ARMC8: variants seen among roughly 807,000 people sequenced by gnomAD.
ARMC8 encodes the protein armadillo repeat-containing protein 8.
A neutral mutation model predicts 99.3 loss-of-function variants in ARMC8; 20 were observed. The ratio of observed to expected loss-of-function variants is 0.20; its 90% CI spans 0.14 to 0.29. The LOEUF is 0.29. Among genes scored for constraint, ARMC8 ranks in the 10% least tolerant of loss-of-function variants. The pLI, the probability that ARMC8 is intolerant of heterozygous loss-of-function variation, is 1.00. For synonymous variants in ARMC8, 263 were observed against 278.3 expected (o/e 0.95, Z 0.55); for missense variants, 569 against 809.5 (o/e 0.70, Z 3.60).
intron 1 of ARMC8, among the ~76,000 whole-genome samples, chr3:138,204,845 G>A (rs2044272047): frequency 6.6e-6 from 1 of 151,918 alleles, no homozygotes; most frequent in South Asian, 2.1e-4. Context: ...ATTATATGCT[G>A]ACAACATCTG....
intron 10 of ARMC8, among the ~76,000 whole-genome samples, chr3:138,241,344 A>C (rs951645285): frequency 1.3e-5 from 2 of 152,210 alleles, no homozygotes; most frequent in Non-Finnish European, 2.9e-5. Flanking sequence ...AAAATAAACG[A>C]TATTACTCAC....
intron 1 of ARMC8, among the ~76,000 whole-genome samples, chr3:138,206,725 G>A (rs570269946): frequency 1.1e-4 from 17 of 152,264 alleles, no homozygotes; most frequent in African/African-American, 4.1e-4. Context: ...GAGGTGACCT[G>A]ATCTACAAGG....
intron 1 of ARMC8, among the ~76,000 whole-genome samples, chr3:138,192,111 T>C (rs372247774): frequency 6.6e-6 from 1 of 152,194 alleles, no homozygotes; most frequent in Non-Finnish European, 1.5e-5. Context: ...TTTCTACCAG[T>C]AATATATGAG....
intron 18 of ARMC8, among the ~76,000 whole-genome samples, chr3:138,276,235 C>T (rs76608199): frequency 0.022 from 3,296 of 152,268 alleles, 105 homozygotes; most frequent in African/African-American, 0.073. Flanking sequence ...TTTAATGCTT[C>T]TCAAAAGCAC....
chr3:138,210,668 G>A (rs942050805), intron 2 of ARMC8, among the ~76,000 whole-genome samples: 11 of 152,036 alleles, frequency 7.2e-5, no homozygotes, highest in Non-Finnish European at 1.0e-4. Context: ...TGATGAGGGC[G>A]CCCATGAGGG....
At chr3:138,268,529 C>T (rs2048489638) in intron 15 of ARMC8, among the ~76,000 whole-genome samples, 3 of 152,128 alleles carry the variant, frequency 2.0e-5, no homozygotes, top group Admixed American at 2.0e-4. Flanking sequence ...GGTAGATGAG[C>T]TCAGGCAAAG....
chr3:138,255,401 A>G (rs942858387), intron 12 of ARMC8, among the ~76,000 whole-genome samples: 37 of 151,504 alleles, frequency 2.4e-4, no homozygotes, highest in African/African-American at 9.0e-4. Flanking sequence ...ACGGGGTTTC[A>G]CTGTGTTAGT....
At chr3:138,208,421 C>A (rs1206258608) in intron 1 of ARMC8, among the ~76,000 whole-genome samples, 1 of 152,204 alleles carries the variant, frequency 6.6e-6, no homozygotes, top group Non-Finnish European at 1.5e-5. Flanking sequence ...GAGCCAAGAT[C>A]ATGCTGCTGG....
At position 138,284,896 on chromosome 3, in the gene ARMC8, C is replaced by T. The variant is rs556560188; in HGVS notation, c.1821+370C>T. The stretch of plus-strand genomic sequence containing the variant: ...CCTCTAGCCCCCTGGCACCATAGTT[C>T]CTTTACCTGTTTGCTTCTAAACAAT... On this transcript the variant is annotated intron_variant, in intron 19 of 21. Coordinates refer to ENST00000469044, the MANE Select transcript of ARMC8 (RefSeq NM_001363941.2). 5.3e-5 allele frequency among the ~76,000 whole-genome samples: 8 copies of T among 152,304 alleles called. No homozygotes were observed. In the South Asian group the frequency reaches 1.0e-3, roughly 20 times the overall value.
chr3:138,280,077 T>C (rs2049731052), intron 18 of ARMC8, among the ~76,000 whole-genome samples: 1 of 151,948 alleles, frequency 6.6e-6, no homozygotes, highest in Non-Finnish European at 1.5e-5. Flanking sequence ...CTAATTTTTG[T>C]ATTTTTAGTA....
intron 18 of ARMC8, among the ~76,000 whole-genome samples, chr3:138,279,720 A>G (rs2049687897): frequency 6.6e-6 from 1 of 152,200 alleles, no homozygotes; most frequent in African/African-American, 2.4e-5. Context: ...TTTTTAATAG[A>G]AATAGGACTA....
At chr3:138,193,815 A>G (rs1325065469) in intron 1 of ARMC8, among the ~76,000 whole-genome samples, 2 of 152,232 alleles carry the variant, frequency 1.3e-5, no homozygotes, top group African/African-American at 2.4e-5. Context: ...CATAACACCA[A>G]ATGCATTACT....
rs777598182 is a variant in ARMC8 at position 138,245,149 on chromosome 3, C to G, written c.1100C>G (p.Ser367Cys). 1 of 1,614,172 alleles carries G rather than the reference C, an allele frequency of 6.2e-7. No homozygotes were observed. The highest frequency in any genetic ancestry group is 8.5e-7 in the Non-Finnish European group (1 of 1,180,028). Residue 367 changes from serine to cysteine, a missense_variant, in exon 12 of 22, where the codon TCT becomes TGT. Around this residue, in one of 2 missense-constraint regions of ARMC8, gnomAD observed 227 missense variants for 417.9 expected, o/e 0.54. Transcript: ENST00000469044. ...CAGGCTGCATTCAAGCTCTATGCCT[C>G]TCTTGGAGCAAATGATGAAGACATC... ...LRQAAFKLYA[S>C]LGANDEDIRK...
intron 12 of ARMC8, among the ~76,000 whole-genome samples, chr3:138,256,354 C>T (rs2047400093): frequency 6.7e-6 from 1 of 149,018 alleles, no homozygotes; most frequent in Non-Finnish European, 1.5e-5. Flanking sequence ...ATTGATTTGT[C>T]ATTTTCTCTC....
Position 138,187,386 on chromosome 3 carries a change from C to T in ARMC8, c.-169C>T, listed in dbSNP as rs2043120914. The T allele has an allele frequency of 1.6e-6, 1 of 623,890 alleles. No homozygotes were observed. Among genetic ancestry groups the T allele is most frequent in the Non-Finnish European group, 2.8e-6 (1 of 356,444 alleles). The allele number at this position is 623,890 out of a possible 1,614,324, so 38.6% of individuals were successfully genotyped here. A position where few individuals can be genotyped will look rare whatever the true frequency, so the allele number is the denominator to read the frequency against. Reference sequence around the variant, plus strand: ...CAGCCCCTGACGCCATTCCCTTTTGCCCTTCTTTCTGCGGGCCTTTCCGGT... The same window carrying T: ...CAGCCCCTGACGCCATTCCCTTTTGTCCTTCTTTCTGCGGGCCTTTCCGGT... On this transcript the variant is annotated 5_prime_UTR_variant, in exon 1 of 22. Transcript: ENST00000469044.
intron 21 of ARMC8, among the ~76,000 whole-genome samples, chr3:138,295,090 G>T (rs576982704): frequency 1.8e-4 from 27 of 152,130 alleles, no homozygotes; most frequent in Admixed American, 1.6e-3. Flanking sequence ...GTAGAAACAG[G>T]GTTTCACCGT....
At chr3:138,198,721 C>A (rs1004106787) in intron 1 of ARMC8, among the ~76,000 whole-genome samples, 1 of 151,904 alleles carries the variant, frequency 6.6e-6, no homozygotes, top group Non-Finnish European at 1.5e-5. Flanking sequence ...ACTGTGTTAG[C>A]CAGGATGGTC....
At chr3:138,219,697 A>G (rs186995692) in intron 2 of ARMC8, among the ~76,000 whole-genome samples, 1 of 152,192 alleles carries the variant, frequency 6.6e-6, no homozygotes, top group South Asian at 2.1e-4. Context: ...CTTATCTAGC[A>G]CAGGTATATT....
At position 138,187,432 on chromosome 3, in the gene ARMC8, G is replaced by A; in HGVS notation, c.-123G>A. ...CCGGTACTTGAGCGGTGTCCAGAGC[G>A]TGGCCAGTTCTCGTCTATCTGGCTG... On this transcript the variant is annotated 5_prime_UTR_variant, in exon 1 of 22. It adds an upstream start codon to the 5' untranslated region. Coordinates refer to ENST00000469044, the MANE Select transcript of ARMC8 (RefSeq NM_001363941.2). The A allele has an allele frequency of 1.0e-6, 1 of 952,498 alleles. No homozygotes were observed. The highest frequency in any genetic ancestry group is 1.6e-6 in the Non-Finnish European group (1 of 629,882). The allele number at this position is 952,498 out of a possible 1,614,324, so 59.0% of individuals were successfully genotyped here.
Sources: allele counts gnomAD v4.1 joint callset (sites outside exome capture counted in the v4.1 genomes callset), GRCh38; gene constraint gnomAD v4.1.1; regional missense constraint gnomAD v4.1.1; transcripts MANE v1.5; gene names NCBI Gene and HGNC (gene_info 2026-07-23, HGNC 2026-07-21).